The following ACOT11 variants were observed in gnomAD, a reference collection of about 807,000 sequenced individuals.
ACOT11 encodes the protein acyl-CoA thioesterase 11.
ACOT11 carries 69 observed loss-of-function variants against 77.5 expected under a neutral mutation model. The ratio of observed to expected loss-of-function variants is 0.89; its 90% confidence interval spans 0.73 to 1.09. The LOEUF is 1.09. Among genes scored for constraint, ACOT11 ranks in the 50% least tolerant of loss-of-function variants. The probability of loss-of-function intolerance (pLI) is 0.00; values close to 1 mark genes in which losing one functional copy is unlikely to be tolerated. For synonymous variants in ACOT11, 279 were observed against 313.0 expected (o/e 0.89, Z 1.15); for missense variants, 766 against 813.7 (o/e 0.94, Z 0.71).
At chr1:54,581,561 G>A (rs766095415) in intron 1 of ACOT11, among the ~76,000 whole-genome samples, 25 of 152,188 alleles carry the variant, frequency 1.6e-4, no homozygotes, top group Non-Finnish European at 2.6e-4. Context: ...CCATGGTGTG[G>A]CTAGCTGGGG....
At position 54,628,799 on chromosome 1, in the gene ACOT11, C is replaced by G. The variant is rs1386919032; in HGVS notation, c.1630-1935C>G. 1.5e-5 allele frequency among the ~76,000 whole-genome samples: 2 copies of G among 133,164 alleles called. 1 individual carries two copies. The highest frequency in any genetic ancestry group is 4.7e-4 in the East Asian group (2 of 4,292). The allele number at this position is 133,164 out of a possible 152,430, so 87.4% of individuals were successfully genotyped here. On this transcript the variant is annotated intron_variant, in intron 15 of 16. Coordinates refer to the ACOT11 transcript ENST00000371316. ...TAGAGGCTGGGTGCAGTGGCTCATGCCTGTAATCCCAACACTTTGGGAGGC... is the reference window on the plus strand; with the variant it reads ...TAGAGGCTGGGTGCAGTGGCTCATGGCTGTAATCCCAACACTTTGGGAGGC...
At chr1:54,558,553 A>G (rs1051241659) in intron 1 of ACOT11, among the ~76,000 whole-genome samples, 8 of 152,208 alleles carry the variant, frequency 5.3e-5, no homozygotes, top group Admixed American at 3.9e-4. Flanking sequence ...AGCTGAGCAG[A>G]AAGCTAGCAG....
intron 15 of ACOT11, chr1:54,615,870 C>T (rs1027452263): frequency 2.5e-6 from 2 of 787,252 alleles, no homozygotes; most frequent in Admixed American, 4.4e-5. Context: ...CCTCACTGAG[C>T]CTGGGCATCT....
rs552603340 is a variant in ACOT11, at chr1:54,577,680, A to C, written c.34-6975A>C. Among the ~76,000 whole-genome samples, 20 of 152,048 alleles carry C rather than the reference A, an allele frequency of 1.3e-4. No homozygotes were observed. In the South Asian group the frequency reaches 3.9e-3, roughly 30 times the overall value. Reference sequence around the variant, plus strand: ...TAGTTCTTTTGGGTATATAACTAGGAGTGGAATTGCTGGGTCATATGGTAT... The same window carrying C: ...TAGTTCTTTTGGGTATATAACTAGGCGTGGAATTGCTGGGTCATATGGTAT... On this transcript the variant is annotated intron_variant, in intron 1 of 15. Transcript: ENST00000343744.
Position 54,584,955 on chromosome 1 carries a change from C to A in ACOT11, c.241+93C>A. ...GATGGTCACCGTCCACCCTAAGTGC[C>A]ACACTTGTTTCTCATCTTGGCCTTT... is the stretch of plus-strand genomic sequence containing the variant. On this transcript the variant is annotated intron_variant, in intron 2 of 15. Coordinates refer to ENST00000343744, the MANE Select transcript of ACOT11 (RefSeq NM_147161.4). This position sits in a 1 kb window ranked among gnomAD's most constrained non-coding sequence, Gnocchi z 6.3. The A allele has an allele frequency of 7.5e-7, 1 of 1,335,664 alleles. No individual in the cohort carries two copies. Among genetic ancestry groups the A allele is most frequent in the South Asian group, 1.4e-5 (1 of 71,952 alleles). 82.7% of individuals were successfully genotyped at this position (1,335,664 alleles called of 1,614,324 possible).
At chr1:54,581,934 A>G (rs1654324157) in intron 1 of ACOT11, among the ~76,000 whole-genome samples, 1 of 152,130 alleles carries the variant, frequency 6.6e-6, no homozygotes, top group South Asian at 2.1e-4. Context: ...ACTGCCTTGG[A>G]GCCCAAGGAA....
intron 10 of ACOT11, among the ~76,000 whole-genome samples, chr1:54,602,972 T>C (rs1643982238): frequency 6.6e-6 from 1 of 152,234 alleles, no homozygotes; most frequent in East Asian, 1.9e-4. Context: ...AGTCAGAATT[T>C]GAAGCTGGCT....
intron 16 of ACOT11, chr1:54,630,974 C>T: frequency 1.9e-6 from 1 of 534,756 alleles, no homozygotes; most frequent in South Asian, 2.9e-5. Context: ...CTTTTTCACA[C>T]TGATAACGAG....
At chr1:54,615,608 G>A (rs185482344) in intron 15 of ACOT11, among the ~76,000 whole-genome samples, 1 of 152,102 alleles carries the variant, frequency 6.6e-6, no homozygotes, top group East Asian at 1.9e-4. Flanking sequence ...CAGCAACTGA[G>A]TTGCCGTGAG....
intron 15 of ACOT11, among the ~76,000 whole-genome samples, chr1:54,619,118 G>A (rs1186095500): frequency 6.6e-6 from 1 of 152,174 alleles, no homozygotes; most frequent in Non-Finnish European, 1.5e-5. Context: ...GTTGGTCCTG[G>A]GGCCAGCAGC....
rs187518554 is a variant in ACOT11 at position 54,610,180 on chromosome 1, C to T, written c.*1068C>T. ...CATGACTCAGCCTGGGGGCTGGTGCCGGCCTTGCCTGCAGCAATGTAGCTG... is the reference window on the plus strand; with the variant it reads ...CATGACTCAGCCTGGGGGCTGGTGCTGGCCTTGCCTGCAGCAATGTAGCTG... On this transcript the variant is annotated 3_prime_UTR_variant, in exon 16 of 16. Transcript: ENST00000343744. 2.4e-3 allele frequency: 3,507 copies of T among 1,432,616 alleles called. 123 individuals carry two copies. In the South Asian group the frequency reaches 0.05, roughly 20 times the overall value. 88.7% of individuals were successfully genotyped at this position (1,432,616 alleles called of 1,614,324 possible). A position where few individuals can be genotyped will look rare whatever the true frequency, so the allele number is the denominator to read the frequency against.
At chr1:54,617,995 G>A (rs1644192743) in intron 15 of ACOT11, among the ~76,000 whole-genome samples, 1 of 152,044 alleles carries the variant, frequency 6.6e-6, no homozygotes, top group South Asian at 2.1e-4. Flanking sequence ...CCAAACTGCT[G>A]GAATTACAGG....
chr1:54,596,439 A>G (rs1655536), intron 6 of ACOT11, among the ~76,000 whole-genome samples: 34,347 of 152,142 alleles, frequency 0.23, 6,279 homozygotes, highest in African/African-American at 0.47. Flanking sequence ...GAAGCCCAGG[A>G]CCCCATGCAC....
chr1:54,619,683 T>C (rs1483842880), intron 15 of ACOT11, among the ~76,000 whole-genome samples: 2 of 152,142 alleles, frequency 1.3e-5, no homozygotes, highest in African/African-American at 4.8e-5. Context: ...AGCTCAGAGT[T>C]TGTCAGCTGC....
intron 13 of ACOT11, among the ~76,000 whole-genome samples, chr1:54,606,355 T>C (rs928151985): frequency 3.9e-5 from 6 of 152,156 alleles, no homozygotes; most frequent in African/African-American, 1.4e-4. Flanking sequence ...AGAGAGCCCC[T>C]AGTTTCTTCC....
chr1:54,605,895 C>T (rs972580649), intron 13 of ACOT11, among the ~76,000 whole-genome samples: 10 of 152,144 alleles, frequency 6.6e-5, no homozygotes, highest in African/African-American at 2.2e-4. Flanking sequence ...TTCTGTTCTG[C>T]CATCACCGGG....
intron 8 of ACOT11, chr1:54,599,660 C>G (rs1569748488): frequency 7.5e-6 from 2 of 266,712 alleles, no homozygotes; most frequent in South Asian, 2.5e-4. Flanking sequence ...ATCCCCCAGC[C>G]CCTGTCTCCC....
chr1:54,570,243 G>A (rs1653886522), intron 1 of ACOT11, among the ~76,000 whole-genome samples: 1 of 152,192 alleles, frequency 6.6e-6, no homozygotes, highest in Non-Finnish European at 1.5e-5. Flanking sequence ...GGGAGGCTTC[G>A]TAGAGTGCCA....
intron 15 of ACOT11, among the ~76,000 whole-genome samples, chr1:54,617,487 A>C (rs934557214): frequency 1.3e-5 from 2 of 151,470 alleles, no homozygotes; most frequent in African/African-American, 4.9e-5. Flanking sequence ...AAGGCCAGAA[A>C]ACCTACCCAT....
Sources: gnomAD v4.1 joint callset for allele counts (sites outside exome capture counted in the v4.1 genomes callset) on GRCh38, gnomAD v4.1.1 for gene constraint, Gnocchi (gnomAD v3.1) non-coding constraint, MANE v1.5 for transcripts, NCBI Gene and HGNC (gene_info 2026-07-23, HGNC 2026-07-21) for gene names.